SBNO2: variants seen among roughly 807,000 people sequenced by gnomAD.
The protein encoded by SBNO2 is protein strawberry notch homolog 2.
A neutral mutation model predicts 146.3 loss-of-function variants in SBNO2; 89 were observed. The observed-to-expected ratio is 0.61, with a 90% CI of 0.51 to 0.73. The LOEUF (loss-of-function observed/expected upper bound fraction) is 0.73, where lower values mean the gene tolerates loss of function less well. Ranked by LOEUF, SBNO2 falls within the 30% of genes least tolerant of loss-of-function variation. The pLI, the probability that SBNO2 is intolerant of heterozygous loss-of-function variation, is 0.00. For missense variants in SBNO2, 2,092 were observed against 2,003.7 expected (o/e 1.04, Z -0.84); for synonymous variants, 1,147 against 892.6 (o/e 1.29, Z -5.08).
In SBNO2 at chr19:1,126,469, G is replaced by A. The variant is rs1204982901; in HGVS notation, c.441+1135C>T. Among the ~76,000 whole-genome samples the A allele has an allele frequency of 3.3e-5, 5 of 152,184 alleles. No individual in the cohort carries two copies. Among genetic ancestry groups the A allele is most frequent in the South Asian group, 2.1e-4 (1 of 4,810 alleles). ...AGCTAGCTGGGAGGGCACGGGCCCC[G>A]GGCTGGGTGAAATGCTCTGCTGGGC... is the stretch of plus-strand genomic sequence containing the variant. On this transcript the variant is annotated intron_variant, in intron 5 of 31. Transcript: ENST00000361757. The surrounding 1 kb of genome is among the most constrained non-coding windows in gnomAD (Gnocchi z 4.4).
At chr19:1,118,985 T>C (rs1279848396) in intron 14 of SBNO2, 26 bp downstream of exon 14, 5 of 1,562,248 alleles carry the variant, frequency 3.2e-6, no homozygotes, top group Non-Finnish European at 4.3e-6. Flanking sequence ...CGCACAGGGG[T>C]CCCCGGGTCG....
intron 4 of SBNO2, among the ~76,000 whole-genome samples, chr19:1,139,763 C>A (rs2145276489): frequency 6.6e-6 from 1 of 151,912 alleles, no homozygotes. Context: ...CCATTGCACT[C>A]CAGCCTGGGA....
At chr19:1,147,647 G>T (rs2080206110) in intron 3 of SBNO2, among the ~76,000 whole-genome samples, 1 of 152,020 alleles carries the variant, frequency 6.6e-6, no homozygotes, top group South Asian at 2.1e-4. Context: ...GCCCGGCAGA[G>T]CTCCTACGGA....
Position 1,110,987 on chromosome 19 carries a change from A to C in SBNO2, c.2884+32T>G, listed in dbSNP as rs756148979. 6.2e-7 allele frequency: 1 copy of C among 1,607,390 alleles called. No individual in the cohort carries two copies. Among genetic ancestry groups the C allele is most frequent in the Non-Finnish European group, 8.5e-7 (1 of 1,177,230 alleles). On this transcript the variant is annotated intron_variant, in intron 25 of 31. Transcript: ENST00000361757. This position sits in a 1 kb window ranked among gnomAD's most constrained non-coding sequence, Gnocchi z 4.9. ...AAGGTTGCATGAGATGAGAGACAGGAGCGCCTCTGGGCCTGGGTGTGGGGC... is the reference window on the plus strand; with the variant it reads ...AAGGTTGCATGAGATGAGAGACAGGCGCGCCTCTGGGCCTGGGTGTGGGGC...
At position 1,123,559 on chromosome 19, in the gene SBNO2, G is replaced by A. The variant is rs1173434037; in HGVS notation, c.603C>T (p.Thr201=). The change falls in exon 7 of 32, where the codon ACC becomes ACT. Residue 201 remains threonine, a synonymous_variant. Transcript: ENST00000361757. ...ACTTGGACGGCACGTAGTCGGCGTA[G>A]GTCTCTGTGTGCCCCAGCTCCTCCG... ...EEAEELGHTE[T]YADYVPSKSK... is the part of the protein sequence containing the mutation. The A allele has an allele frequency of 6.2e-7, 1 of 1,613,554 alleles. No homozygotes were observed. Among genetic ancestry groups the A allele is most frequent in the South Asian group, 1.1e-5 (1 of 91,084 alleles).
chr19:1,173,131 C>T lies in SBNO2; in HGVS notation c.-127+1041G>A, dbSNP rs2080497754. The stretch of plus-strand genomic sequence containing the variant: ...TCTCCACAACGCCTGCCCCCCACGC[C>T]CCAGGTCAGTCTGGGGATTGGTCCC... On this transcript the variant is annotated intron_variant, in intron 1 of 31. Transcript: ENST00000361757. The surrounding 1 kb of genome is among the most constrained non-coding windows in gnomAD (Gnocchi z 4.7). 6.6e-6 allele frequency among the ~76,000 whole-genome samples: 1 copy of T among 152,154 alleles called. No homozygotes were observed.
intron 1 of SBNO2, among the ~76,000 whole-genome samples, chr19:1,167,996 C>A (rs2080442232): frequency 2.0e-5 from 3 of 152,188 alleles, no homozygotes; most frequent in Admixed American, 2.0e-4. Context: ...GGGGCAGGAG[C>A]CGCCTCACCA....
In SBNO2 at chr19:1,111,374, T is replaced by C. The variant is rs1022103707; in HGVS notation, c.2809+132A>G. The C allele has an allele frequency of 1.2e-5, 9 of 750,984 alleles. No homozygotes were observed. In the South Asian group the frequency reaches 1.2e-4, roughly 10 times the overall value. The allele number at this position is 750,984 out of a possible 1,614,324, so 46.5% of individuals were successfully genotyped here. A position where few individuals can be genotyped will look rare whatever the true frequency, so the allele number is the denominator to read the frequency against. On this transcript the variant is annotated intron_variant, in intron 24 of 31. Coordinates refer to ENST00000361757, the MANE Select transcript of SBNO2 (RefSeq NM_014963.3). ...TTGGCTCCCTTTGCCTTCACAGCCC[T>C]CTCTGTCCGTGTGTGGGGAGGGGTC... is the stretch of plus-strand genomic sequence containing the variant.
chr19:1,155,333 G>A (rs2080280645), intron 1 of SBNO2, among the ~76,000 whole-genome samples: 1 of 152,192 alleles, frequency 6.6e-6, no homozygotes, highest in South Asian at 2.1e-4. Flanking sequence ...CGGGCAACAG[G>A]GGCTGGGGGT....
In SBNO2 at chr19:1,109,215, G is replaced by C. The variant is rs748958999; in HGVS notation, c.3349-4C>G. 5.6e-5 allele frequency: 88 copies of C among 1,569,092 alleles called. No homozygotes were observed. Among genetic ancestry groups the C allele is most frequent in the Middle Eastern group, 1.7e-4 (1 of 6,030 alleles). Reference sequence around the variant, plus strand: ...CCTTGGCCTCCTCCGCGGTGACCTAGGGACACAGGGCCGCATGAGCCTGGG... The same window carrying C: ...CCTTGGCCTCCTCCGCGGTGACCTACGGACACAGGGCCGCATGAGCCTGGG... On this transcript the variant is annotated splice_region_variant and splice_polypyrimidine_tract_variant and intron_variant, in intron 29 of 31. Coordinates refer to ENST00000361757, the MANE Select transcript of SBNO2 (RefSeq NM_014963.3). This position sits in a 1 kb window ranked among gnomAD's most constrained non-coding sequence, Gnocchi z 4.2.
Position 1,111,983 on chromosome 19 carries a change from T to C in SBNO2, c.2700+13A>G. 1 of 1,332,002 alleles carries C rather than the reference T, an allele frequency of 7.5e-7. No individual in the cohort carries two copies. The highest frequency in any genetic ancestry group is 1.0e-6 in the Non-Finnish European group (1 of 959,498). 82.5% of individuals were successfully genotyped at this position (1,332,002 alleles called of 1,614,324 possible). A position where few individuals can be genotyped will look rare whatever the true frequency, so the allele number is the denominator to read the frequency against. On this transcript the variant is annotated intron_variant, in intron 23 of 31. Transcript: ENST00000361757. ...CCCTGCCCCGCCCCCCAACCCTGCC[T>C]TCCCTGCAGTACCTTGTTCTCAAAG...
At chr19:1,120,925 T>C (rs1209746217) in intron 11 of SBNO2, among the ~76,000 whole-genome samples, 1 of 150,358 alleles carries the variant, frequency 6.7e-6, no homozygotes, top group East Asian at 2.0e-4. Context: ...ACAGTCTCGC[T>C]CTGTCGCCTG....
intron 4 of SBNO2, among the ~76,000 whole-genome samples, chr19:1,146,227 T>C (rs2080188412): frequency 1.3e-5 from 2 of 152,088 alleles, no homozygotes; most frequent in African/African-American, 4.8e-5. Flanking sequence ...CAGACTCTAC[T>C]GGGGAGGCGG....
chr19:1,154,157 T>TGGGCCG (rs1021141237), intron 2 of SBNO2, 27 bp downstream of exon 2: 1 of 1,095,188 alleles, frequency 9.1e-7, no homozygotes, highest in Admixed American at 4.4e-5. Context: ...CCCCGTCGGG[T>TGGGCCG]GGGCCGGGGC....
intron 14 of SBNO2, 45 bp from the exon 15 acceptor site, chr19:1,117,544 C>T (rs1453877351): frequency 1.9e-5 from 29 of 1,513,692 alleles, no homozygotes; most frequent in Non-Finnish European, 2.5e-5. Context: ...TGGCTCCTGG[C>T]TCCCGACCCG....
Position 1,154,306 on chromosome 19 carries a change from CG to C in SBNO2, c.-31del. The C allele has an allele frequency of 8.2e-7, 1 of 1,217,798 alleles. No individual in the cohort carries two copies. Among genetic ancestry groups the C allele is most frequent in the Non-Finnish European group, 1.0e-6 (1 of 969,104 alleles). The allele number at this position is 1,217,798 out of a possible 1,614,324, so 75.4% of individuals were successfully genotyped here. The stretch of plus-strand genomic sequence containing the variant: ...CGGCAGGCGGGGTGGGGTCCTCGGC[CG>C]GGCAGCAGGCGGCGGGACTCCAGGA... On this transcript the variant is annotated 5_prime_UTR_variant, in exon 2 of 32. Coordinates refer to ENST00000361757, the MANE Select transcript of SBNO2 (RefSeq NM_014963.3).
Position 1,140,584 on chromosome 19 carries a change from G to A in SBNO2, c.279+6725C>T, listed in dbSNP as rs929996875. Among the ~76,000 whole-genome samples, 7 of 152,058 alleles carry A rather than the reference G, an allele frequency of 4.6e-5. No homozygotes were observed. Among genetic ancestry groups the A allele is most frequent in the African/African-American group, 9.7e-5 (4 of 41,422 alleles). ...TGGATGCCAGCAGCGGCATCCTGGC[G>A]CAGCGTGAGCCCCAGGGGTGGGGGT... is the stretch of plus-strand genomic sequence containing the variant. On this transcript the variant is annotated intron_variant, in intron 4 of 31. Coordinates refer to ENST00000361757, the MANE Select transcript of SBNO2 (RefSeq NM_014963.3). This position sits in a 1 kb window ranked among gnomAD's most constrained non-coding sequence, Gnocchi z 4.4.
At position 1,112,985 on chromosome 19, in the gene SBNO2, GT is replaced by G; in HGVS notation, c.2248-37del. On this transcript the variant is annotated intron_variant, in intron 19 of 31. Coordinates refer to ENST00000361757, the MANE Select transcript of SBNO2 (RefSeq NM_014963.3). This position sits in a 1 kb window ranked among gnomAD's most constrained non-coding sequence, Gnocchi z 5.9. ...GACAGGGACAAAACCGGCCGTCAGT[GT>G]TGTGGCCTCGCAGGAGTCTGGCCAC... is the stretch of plus-strand genomic sequence containing the variant. The G allele has an allele frequency of 6.5e-7, 1 of 1,531,492 alleles. No individual in the cohort carries two copies. The highest frequency in any genetic ancestry group is 8.8e-7 in the Non-Finnish European group (1 of 1,137,260). 94.9% of individuals were successfully genotyped at this position (1,531,492 alleles called of 1,614,324 possible).
chr19:1,133,132 G>GA (rs2080050007), intron 4 of SBNO2, among the ~76,000 whole-genome samples: 1 of 152,198 alleles, frequency 6.6e-6, no homozygotes, highest in African/African-American at 2.4e-5. Flanking sequence ...CCCAGGGCCA[G>GA]AGGGGGTGGG....
Sources: allele counts gnomAD v4.1 joint callset (sites outside exome capture counted in the v4.1 genomes callset), GRCh38; gene constraint gnomAD v4.1.1; non-coding constraint Gnocchi (gnomAD v3.1); transcripts MANE v1.5; gene names NCBI Gene and HGNC (gene_info 2026-07-23, HGNC 2026-07-21).